Variants in PTPRT observed in about 807,000 individuals in gnomAD.
PTPRT encodes receptor-type tyrosine-protein phosphatase T.
In PTPRT, 56 loss-of-function variants were observed where a neutral mutation model predicts 176.8. That is an observed-to-expected ratio of 0.32 (90% CI 0.26 to 0.40). PTPRT has a LOEUF of 0.40. PTPRT is among the 10% of genes least tolerant of loss of function. PTPRT has a pLI of 1.00. For synonymous variants in PTPRT, 783 were observed against 739.0 expected, an observed-to-expected ratio of 1.06 and a Z score of -0.96; for missense variants, 1,540 against 1,908.2, an observed-to-expected ratio of 0.81 and a Z score of 3.60.
intron 9 of PTPRT, among the ~76,000 whole-genome samples, chr20:42,430,561 T>C (rs890401973): frequency 6.6e-6 from 1 of 152,150 alleles, no homozygotes; most frequent in Non-Finnish European, 1.5e-5. Context: ...TGGAAGGGCA[T>C]GGCTGGTGAT....
chr20:42,400,615 A>G (rs2058896141), intron 9 of PTPRT, among the ~76,000 whole-genome samples: 1 of 152,076 alleles, frequency 6.6e-6, no homozygotes, highest in Non-Finnish European at 1.5e-5. Context: ...GTATGAAGGA[A>G]CATCCCTGCA....
chr20:42,513,698 AAAC>A (rs1352314240), intron 7 of PTPRT, among the ~76,000 whole-genome samples: 4 of 152,168 alleles, frequency 2.6e-5, no homozygotes, highest in African/African-American at 9.6e-5. Flanking sequence ...GCAGTTTGAG[AAAC>A]AACATTATCC....
At position 42,248,796 on chromosome 20, in the gene PTPRT, C is replaced by G. The variant is rs758176792; in HGVS notation, c.2203G>C (p.Val735Leu). Residue 735 changes from valine to leucine, a missense_variant, in exon 14 of 31, where the codon GTG (valine) becomes CTG (leucine). Coordinates refer to ENST00000373187, the MANE Select transcript of PTPRT (RefSeq NM_007050.6). Reference protein sequence around the residue: ...KGASTQNSNTVEPEKQVDNTV... With the variant: ...KGASTQNSNTLEPEKQVDNTV... ...TTGTCCACCTGCTTCTCTGGCTCCACAGTGTTAGAATTCTGGGTGGAGGCA... is the reference window on the plus strand; with the variant it reads ...TTGTCCACCTGCTTCTCTGGCTCCAGAGTGTTAGAATTCTGGGTGGAGGCA... The G allele has an allele frequency of 5.6e-6, 9 of 1,614,020 alleles. No homozygotes were observed. In the South Asian group the frequency reaches 9.9e-5, roughly 18 times the overall value.
intron 17 of PTPRT, among the ~76,000 whole-genome samples, chr20:42,144,009 G>T (rs1988751853): frequency 6.6e-6 from 1 of 152,190 alleles, no homozygotes; most frequent in South Asian, 2.1e-4. Context: ...GGCAGAGTGT[G>T]CATATTCTTC....
chr20:42,139,367 CAG>C (rs1292928055), intron 18 of PTPRT, among the ~76,000 whole-genome samples: 1 of 152,094 alleles, frequency 6.6e-6, no homozygotes, highest in African/African-American at 2.4e-5. Context: ...AGATCTAAGA[CAG>C]AGATTTTAGT....
intron 1 of PTPRT, among the ~76,000 whole-genome samples, chr20:43,146,159 C>T (rs1425862650): frequency 6.6e-6 from 1 of 152,134 alleles, no homozygotes; most frequent in African/African-American, 2.4e-5. Context: ...CAACTTCCTA[C>T]ATTTTTCTTG....
chr20:43,110,943 G>A (rs890496794), intron 1 of PTPRT, among the ~76,000 whole-genome samples: 31 of 152,148 alleles, frequency 2.0e-4, no homozygotes, highest in African/African-American at 6.5e-4. Context: ...GCACCAACTC[G>A]AATGAGGTCC....
chr20:42,184,037 G>A (rs1356715127), intron 16 of PTPRT, among the ~76,000 whole-genome samples: 3 of 152,132 alleles, frequency 2.0e-5, no homozygotes, highest in African/African-American at 4.8e-5. Flanking sequence ...AATGAGGGAG[G>A]CATTTGGGCC....
intron 6 of PTPRT, among the ~76,000 whole-genome samples, chr20:42,744,601 G>A (rs903573105): frequency 3.3e-5 from 5 of 151,720 alleles, no homozygotes; most frequent in African/African-American, 9.7e-5. Flanking sequence ...ACTAATTGCT[G>A]TAACAAATAA....
At position 42,199,286 on chromosome 20, in the gene PTPRT, G is replaced by C. The variant is rs374106079; in HGVS notation, c.2445C>G (p.Arg815=). 1.2e-5 allele frequency: 19 copies of C among 1,614,062 alleles called. No homozygotes were observed. In the African/African-American group the frequency reaches 2.5e-4, roughly 22 times the overall value. The change falls in exon 16 of 31, where the codon CGC becomes CGG. Residue 815 remains arginine, a synonymous_variant. Coordinates refer to ENST00000373187, the MANE Select transcript of PTPRT (RefSeq NM_007050.6). ...DKPTTKLSAS[R]NDEGFSSSSQ... ...AACTAGAAGAGAAGCCTTCATCATTGCGGCTGGCGCTGAGCTTGGTGGTGG... is the reference window on the plus strand; with the variant it reads ...AACTAGAAGAGAAGCCTTCATCATTCCGGCTGGCGCTGAGCTTGGTGGTGG...
intron 12 of PTPRT, among the ~76,000 whole-genome samples, chr20:42,309,191 T>A (rs1183374839): frequency 1.3e-5 from 2 of 152,212 alleles, no homozygotes; most frequent in Admixed American, 6.5e-5. Flanking sequence ...TGGCTTCTGA[T>A]GGATATTTGC....
At chr20:42,122,156 C>A (rs1987624825) in intron 19 of PTPRT, among the ~76,000 whole-genome samples, 1 of 152,152 alleles carries the variant, frequency 6.6e-6, no homozygotes, top group Non-Finnish European at 1.5e-5. Flanking sequence ...CACTTGTGCT[C>A]TCTAAATCTA....
chr20:42,573,217 G>T (rs1178107268), intron 7 of PTPRT, among the ~76,000 whole-genome samples: 1 of 152,120 alleles, frequency 6.6e-6, no homozygotes, highest in Non-Finnish European at 1.5e-5. Flanking sequence ...GCCAAGGAGG[G>T]GCCAGCAGGA....
At chr20:42,263,447 C>G (rs1360713794) in intron 13 of PTPRT, among the ~76,000 whole-genome samples, 4 of 124,234 alleles carry the variant, frequency 3.2e-5, no homozygotes, top group Non-Finnish European at 3.1e-5. Context: ...GTGGCATGAT[C>G]TCGGCTCGCT....
At chr20:42,599,314 G>A (rs1002018176) in intron 7 of PTPRT, among the ~76,000 whole-genome samples, 7 of 152,136 alleles carry the variant, frequency 4.6e-5, no homozygotes, top group African/African-American at 1.7e-4. Context: ...AGAGACATCT[G>A]GGAGGTGCCA....
chr20:43,132,143 C>T (rs2013664145), intron 1 of PTPRT, among the ~76,000 whole-genome samples: 1 of 152,002 alleles, frequency 6.6e-6, no homozygotes, highest in Non-Finnish European at 1.5e-5. Context: ...TGTTACTGAA[C>T]ATTGTACTCT....
intron 2 of PTPRT, among the ~76,000 whole-genome samples, chr20:42,800,602 T>C (rs778757400): frequency 6.6e-6 from 1 of 152,206 alleles, no homozygotes; most frequent in Non-Finnish European, 1.5e-5. Context: ...GTTGGCATGA[T>C]AATATTTTGA....
intron 7 of PTPRT, among the ~76,000 whole-genome samples, chr20:42,664,328 C>T (rs983208807): frequency 6.6e-6 from 1 of 152,126 alleles, no homozygotes; most frequent in African/African-American, 2.4e-5. Context: ...AGTTTACTAA[C>T]CTGCTTTTTG....
At chr20:42,835,106 G>T (rs1365466555) in intron 2 of PTPRT, among the ~76,000 whole-genome samples, 1 of 152,154 alleles carries the variant, frequency 6.6e-6, no homozygotes, top group Non-Finnish European at 1.5e-5. Context: ...TCCAAAACAA[G>T]TGATGTGTCT....
Sources: allele counts gnomAD v4.1 joint callset (sites outside exome capture counted in the v4.1 genomes callset), GRCh38; gene constraint gnomAD v4.1.1; transcripts MANE v1.5; gene names NCBI Gene and HGNC (gene_info 2026-07-23, HGNC 2026-07-21).